OR14J1: variants seen among roughly 807,000 people sequenced by gnomAD.
OR14J1 encodes olfactory receptor family 14 subfamily J member 1.
For synonymous variants in OR14J1, 140 were observed against 146.7 expected (o/e 0.95, Z 0.33); for missense variants, 378 against 393.4 (o/e 0.96, Z 0.33).
chr6:29,303,409 T>A (rs1356133177), intron 1 of OR14J1, among the ~76,000 whole-genome samples: 2 of 152,040 alleles, frequency 1.3e-5, no homozygotes, highest in Admixed American at 6.6e-5. Flanking sequence ...GTGTCATATA[T>A]TTGAGAAACA....
intron 1 of OR14J1, among the ~76,000 whole-genome samples, chr6:29,304,607 A>G (rs1041297907): frequency 2.6e-5 from 4 of 152,234 alleles, no homozygotes; most frequent in Admixed American, 2.6e-4. Context: ...GAATTAATCA[A>G]TACAATTTGG....
rs1159610544 is a variant in OR14J1, at chr6:29,309,548, T to A, written c.*1893T>A. 3 of 152,240 alleles carry A rather than the reference T, an allele frequency of 2.0e-5. No individual in the cohort carries two copies. The allele number at this position is 152,240 out of a possible 1,614,324, so 9.4% of individuals were successfully genotyped here. ...TCCACGTCCTCTCTAGCATCTGTTG[T>A]TTCCTGCCTTTTTAATGATAGCCAT... On this transcript the variant is annotated 3_prime_UTR_variant, in exon 2 of 2. Coordinates refer to ENST00000641895, the MANE Select transcript of OR14J1 (RefSeq NM_030946.2).
chr6:29,307,611 C>G lies in OR14J1; in HGVS notation c.922C>G (p.Leu308Val). The change falls in exon 2 of 2, where the codon CTT becomes GTT. Residue 308 changes from leucine (L) to valine (V), a missense_variant. Transcript: ENST00000641895. Reference protein sequence around the residue: ...ALRKMLSKEELPQRKMCLKAM... With the variant: ...ALRKMLSKEEVPQRKMCLKAM... ...GAGGAAGATGCTGTCAAAGGAAGAG[C>G]TTCCTCAGAGAAAAATGTGCTTAAA... 6.2e-7 allele frequency: 1 copy of G among 1,606,710 alleles called. No homozygotes were observed. Among genetic ancestry groups the G allele is most frequent in the South Asian group, 1.1e-5 (1 of 90,492 alleles).
At chr6:29,302,168 C>CT (rs67563283) in intron 1 of OR14J1, among the ~76,000 whole-genome samples, 34 of 64,260 alleles carry the variant, frequency 5.3e-4, no homozygotes, top group African/African-American at 1.4e-3. Context: ...GATTTTTTTT[C>CT]TTTTTTTTTT....
intron 1 of OR14J1, 57 bp from the exon 2 acceptor site, chr6:29,306,605 C>T (rs1225462018): frequency 6.3e-6 from 5 of 796,544 alleles, no homozygotes; most frequent in Non-Finnish European, 8.3e-6. Context: ...TTACTTGACA[C>T]ACAAATATAT....
Position 29,307,520 on chromosome 6 carries a change from T to C in OR14J1, c.831T>C (p.Thr277=), listed in dbSNP as rs1233255900. 6.2e-7 allele frequency: 1 copy of C among 1,612,970 alleles called. No homozygotes were observed. Among genetic ancestry groups the C allele is most frequent in the Admixed American group, 1.7e-5 (1 of 60,024 alleles). The change falls in exon 2 of 2, where the codon ACT becomes ACC. Residue 277 remains threonine, a synonymous_variant. Coordinates refer to ENST00000641895, the MANE Select transcript of OR14J1 (RefSeq NM_030946.2). ...ACCTTGTATTCTCCGTATTCTATAC[T>C]GTGATACCTCCAACACTCAATCCAG... The part of the protein sequence containing the change: ...TVDLVFSVFY[T]VIPPTLNPVI...
intron 1 of OR14J1, among the ~76,000 whole-genome samples, chr6:29,302,513 A>G (rs376806134): frequency 2.0e-5 from 3 of 152,232 alleles, no homozygotes; most frequent in East Asian, 3.9e-4. Flanking sequence ...ACTTCCAGAC[A>G]GGAGGGATAG....
chr6:29,308,132 T>C lies in OR14J1; in HGVS notation c.*477T>C, dbSNP rs1274323370. The C allele has an allele frequency of 1.3e-5, 2 of 152,214 alleles. No individual in the cohort carries two copies. The highest frequency in any genetic ancestry group is 4.8e-5 in the African/African-American group (2 of 41,438). 9.4% of individuals were successfully genotyped at this position (152,214 alleles called of 1,614,324 possible). A position where few individuals can be genotyped will look rare whatever the true frequency, so the allele number is the denominator to read the frequency against. On this transcript the variant is annotated 3_prime_UTR_variant, in exon 2 of 2. Transcript: ENST00000641895. The stretch of plus-strand genomic sequence containing the variant: ...CTTTATATATATACATTTTTTTGAC[T>C]CAAGAAAACAACTCTTCTAGCTATA...
chr6:29,303,840 G>C (rs1409985508), intron 1 of OR14J1, among the ~76,000 whole-genome samples: 1 of 151,880 alleles, frequency 6.6e-6, no homozygotes, highest in Non-Finnish European at 1.5e-5. Context: ...TTTAGACATG[G>C]AGTTTGTGTT....
At chr6:29,306,209 A>G (rs1450953293) in intron 1 of OR14J1, among the ~76,000 whole-genome samples, 1 of 152,232 alleles carries the variant, frequency 6.6e-6, no homozygotes, top group Non-Finnish European at 1.5e-5. Context: ...CTTCTAGATT[A>G]GCTTCTGAGC....
rs142446016 is a variant in OR14J1 at position 29,307,021 on chromosome 6, C to T, written c.332C>T (p.Ala111Val). Residue 111 changes from alanine to valine, a missense_variant, in exon 2 of 2, where the codon GCC (alanine) becomes GTC (valine). Ala to Val is a moderately conservative substitution (Grantham distance 64). Coordinates refer to ENST00000641895, the MANE Select transcript of OR14J1 (RefSeq NM_030946.2). The part of the protein sequence containing the change: ...FFIALASSEV[A>V]ILTVMSYDRY... ...ATAGCTCTGGCCTCATCAGAAGTGG[C>T]CATTCTCACAGTGATGTCTTATGAC... is the stretch of plus-strand genomic sequence containing the variant. The T allele has an allele frequency of 8.1e-5, 131 of 1,613,022 alleles. 1 individual carries two copies. The highest frequency in any genetic ancestry group is 6.6e-4 in the Middle Eastern group (4 of 6,062).
chr6:29,306,765 G>A lies in OR14J1; in HGVS notation c.76G>A (p.Ala26Thr), dbSNP rs760860671. The A allele has an allele frequency of 5.6e-6, 9 of 1,612,902 alleles. No individual in the cohort carries two copies. The Admixed American group carries it at 1.5e-4, about 27-fold the overall frequency. Residue 26 changes from alanine to threonine, a missense_variant, in exon 2 of 2, where the codon GCA becomes ACA. Transcript: ENST00000641895. Reference protein sequence around the residue: ...SDERKLQILHALVFLVTYLLA... With the variant: ...SDERKLQILHTLVFLVTYLLA... ...TGAGCGTAAGCTTCAGATTTTACAT[G>A]CATTGGTATTTCTGGTGACATACCT...
Position 29,306,834 on chromosome 6 carries a change from G to C in OR14J1, c.145G>C (p.Val49Leu). Reference sequence around the variant, plus strand: ...CCTCCTCATTATCACCATCATTACCGTGGACCGTCGTCTCCATTCCCCCAT... The same window carrying C: ...CCTCCTCATTATCACCATCATTACCCTGGACCGTCGTCTCCATTCCCCCAT... Reference protein sequence around the residue: ...GNLLIITIITVDRRLHSPMYY... With the variant: ...GNLLIITIITLDRRLHSPMYY... The change falls in exon 2 of 2, where the codon GTG (valine) becomes CTG (leucine). Residue 49 changes from valine to leucine, a missense_variant. Physicochemically the swap from Val to Leu is conservative, Grantham distance 32. Transcript: ENST00000641895. The C allele has an allele frequency of 6.2e-7, 1 of 1,612,996 alleles. No individual in the cohort carries two copies. Among genetic ancestry groups the C allele is most frequent in the South Asian group, 1.1e-5 (1 of 91,080 alleles).
rs1048958403 is a variant in OR14J1, at chr6:29,312,072, AT to A, written c.*4423del. On this transcript the variant is annotated 3_prime_UTR_variant, in exon 2 of 2. Coordinates refer to ENST00000641895, the MANE Select transcript of OR14J1 (RefSeq NM_030946.2). ...AAAAAACCAGCTCCTGGATTCATTG[AT>A]TTTTTGAATTTTTTTGTGTGTGTCT... 42 of 152,082 alleles carry A rather than the reference AT, an allele frequency of 2.8e-4. No homozygotes were observed. The highest frequency in any genetic ancestry group is 8.9e-4 in the African/African-American group (37 of 41,506). 9.4% of individuals were successfully genotyped at this position (152,082 alleles called of 1,614,324 possible). A position where few individuals can be genotyped will look rare whatever the true frequency, so the allele number is the denominator to read the frequency against.
At chr6:29,305,437 A>G (rs1225403541) in intron 1 of OR14J1, among the ~76,000 whole-genome samples, 1 of 152,182 alleles carries the variant, frequency 6.6e-6, no homozygotes. Context: ...TTAAATAAGT[A>G]TTTACTTAGA....
At position 29,309,873 on chromosome 6, in the gene OR14J1, C is replaced by CAGG. The variant is rs1189108502; in HGVS notation, c.*2222_*2224dup. ...CCATGAACCTGTAATCCCGGCTACTCAGGAGGCTGAGGCAGGAGAATCGCT... is the reference window on the plus strand; with the variant it reads ...CCATGAACCTGTAATCCCGGCTACTCAGGAGGAGGCTGAGGCAGGAGAATCGCT... On this transcript the variant is annotated 3_prime_UTR_variant, in exon 2 of 2. Transcript: ENST00000641895. 1 of 152,290 alleles carries CAGG rather than the reference C, an allele frequency of 6.6e-6. No homozygotes were observed. The highest frequency in any genetic ancestry group is 1.5e-5 in the Non-Finnish European group (1 of 68,120). 9.4% of individuals were successfully genotyped at this position (152,290 alleles called of 1,614,324 possible).
Position 29,307,360 on chromosome 6 carries a change from T to G in OR14J1, c.671T>G (p.Leu224Arg), listed in dbSNP as rs780165014. The G allele has an allele frequency of 7.3e-5, 117 of 1,613,122 alleles. 4 individuals carry two copies. The South Asian group carries it at 1.0e-3, about 14-fold the overall frequency. Residue 224 changes from leucine to arginine, a missense_variant, in exon 2 of 2, where the codon CTG becomes CGG. Coordinates refer to ENST00000641895, the MANE Select transcript of OR14J1 (RefSeq NM_030946.2). ...TACATTCGCATCTTCTCTACAGTGC[T>G]GAGAATCCCATCAGCTGAGGGCCGG... The part of the protein sequence containing the change: ...LSYIRIFSTV[L>R]RIPSAEGRTK...
Position 29,308,183 on chromosome 6 carries a change from G to A in OR14J1, c.*528G>A, listed in dbSNP as rs370469924. The stretch of plus-strand genomic sequence containing the variant: ...ACATATTGTCCCCATTTTGCCAATA[G>A]GAACAATAAATTTAGGAAGGATTAG... On this transcript the variant is annotated 3_prime_UTR_variant, in exon 2 of 2. Transcript: ENST00000641895. 1 of 152,008 alleles carries A rather than the reference G, an allele frequency of 6.6e-6. No individual in the cohort carries two copies. Among genetic ancestry groups the A allele is most frequent in the Non-Finnish European group, 1.5e-5 (1 of 68,004 alleles). 9.4% of individuals were successfully genotyped at this position (152,008 alleles called of 1,614,324 possible).
intron 1 of OR14J1, among the ~76,000 whole-genome samples, chr6:29,305,734 T>C (rs984745837): frequency 6.6e-6 from 1 of 152,004 alleles, no homozygotes; most frequent in African/African-American, 2.4e-5. Context: ...GGTATAGATT[T>C]TTTTTTTGTT....
Sources: allele counts gnomAD v4.1 joint callset (sites outside exome capture counted in the v4.1 genomes callset), GRCh38; gene constraint gnomAD v4.1.1; transcripts MANE v1.5; gene names NCBI Gene and HGNC (gene_info 2026-07-23, HGNC 2026-07-21).